DLGAP2: variants seen among roughly 807,000 people sequenced by gnomAD.
DLGAP2 encodes the protein disks large-associated protein 2.
Under a neutral mutation model 100.3 loss-of-function variants are expected in DLGAP2, and 26 were observed. That is an observed-to-expected ratio of 0.26 (90% CI 0.19 to 0.36). DLGAP2 has a LOEUF of 0.36. Among genes scored for constraint, DLGAP2 ranks in the 10% least tolerant of loss-of-function variants. DLGAP2 has a pLI of 1.00. For synonymous variants in DLGAP2, 886 were observed against 630.1 expected, an observed-to-expected ratio of 1.41 and a Z score of -6.08; for missense variants, 1,858 against 1,453.2, an observed-to-expected ratio of 1.28 and a Z score of -4.53.
At chr8:1,659,094 A>G (rs896203515) in intron 8 of DLGAP2, among the ~76,000 whole-genome samples, 88 of 152,178 alleles carry the variant, frequency 5.8e-4, no homozygotes, top group Middle Eastern at 3.4e-3. Flanking sequence ...TAATTTCGTT[A>G]TTTACCCAGT....
At chr8:1,550,762 T>TA (rs1391874476) in intron 5 of DLGAP2, among the ~76,000 whole-genome samples, 1 of 152,236 alleles carries the variant, frequency 6.6e-6, no homozygotes. Flanking sequence ...GTGCCATGCC[T>TA]GAGTTTACTG....
intron 2 of DLGAP2, among the ~76,000 whole-genome samples, chr8:1,161,279 G>A (rs1461758034): frequency 5.3e-5 from 8 of 152,124 alleles, no homozygotes; most frequent in Admixed American, 5.2e-4. Flanking sequence ...ACCAGCCCAG[G>A]GCCTGGTGTG....
At chr8:804,327 T>G (rs1010067874) in intron 1 of DLGAP2, among the ~76,000 whole-genome samples, 1 of 152,228 alleles carries the variant, frequency 6.6e-6, no homozygotes, top group Admixed American at 6.5e-5. Context: ...GAGACTCTTA[T>G]GTAAGTTCAA....
At chr8:1,083,656 G>A (rs1380860335) in intron 2 of DLGAP2, among the ~76,000 whole-genome samples, 2 of 152,178 alleles carry the variant, frequency 1.3e-5, no homozygotes, top group East Asian at 3.8e-4. Flanking sequence ...CTGAGCTGGG[G>A]CAATTAGGTG....
At chr8:1,304,710 G>A (rs1289170382) in intron 3 of DLGAP2, among the ~76,000 whole-genome samples, 3 of 152,162 alleles carry the variant, frequency 2.0e-5, no homozygotes, top group Non-Finnish European at 4.4e-5. Context: ...GAAGATGATC[G>A]ACAAAAGCAA....
At chr8:1,108,576 G>A (rs1013233181) in intron 2 of DLGAP2, among the ~76,000 whole-genome samples, 2 of 148,962 alleles carry the variant, frequency 1.3e-5, no homozygotes, top group African/African-American at 5.0e-5. Flanking sequence ...TCTGTGAGGT[G>A]TGCACGGGTC....
chr8:1,205,180 G>C (rs1385441282), intron 2 of DLGAP2, among the ~76,000 whole-genome samples: 1 of 152,186 alleles, frequency 6.6e-6, no homozygotes. Flanking sequence ...TCTCCTAAGA[G>C]AAAACCAGTT....
intron 1 of DLGAP2, among the ~76,000 whole-genome samples, chr8:796,076 G>A (rs75973514): frequency 7.3e-5 from 11 of 150,586 alleles, no homozygotes; most frequent in African/African-American, 1.7e-4. Context: ...GAGAGCAGGC[G>A]TCCAGTGAGA....
At chr8:1,618,869 G>A (rs1422798343) in intron 6 of DLGAP2, among the ~76,000 whole-genome samples, 1 of 152,132 alleles carries the variant, frequency 6.6e-6, no homozygotes, top group African/African-American at 2.4e-5. Context: ...CACCTGTCCA[G>A]TAGACACGAG....
At chr8:1,468,285 G>T in intron 3 of DLGAP2, among the ~76,000 whole-genome samples, 1 of 151,858 alleles carries the variant, frequency 6.6e-6, no homozygotes, top group South Asian at 2.1e-4. Flanking sequence ...GGCTGGTCCT[G>T]AGTCCCCAGC....
chr8:1,311,850 A>G (rs147009454), intron 3 of DLGAP2, among the ~76,000 whole-genome samples: 2,700 of 152,356 alleles, frequency 0.018, 29 homozygotes, highest in South Asian at 0.031. Context: ...AAGAAGACAC[A>G]GCAATCCTTA....
chr8:1,495,741 C>G (rs1799525905), intron 3 of DLGAP2, among the ~76,000 whole-genome samples: 1 of 152,216 alleles, frequency 6.6e-6, no homozygotes, highest in Admixed American at 6.5e-5. Flanking sequence ...CGAGTGGTGG[C>G]CGTGCTGGGT....
At chr8:1,074,557 G>T (rs1008160715) in intron 2 of DLGAP2, among the ~76,000 whole-genome samples, 1 of 152,172 alleles carries the variant, frequency 6.6e-6, no homozygotes, top group South Asian at 2.1e-4. Flanking sequence ...CTGGCTCAGG[G>T]GCTTCTCCAC....
chr8:1,072,946 G>C (rs1803480611), intron 2 of DLGAP2, among the ~76,000 whole-genome samples: 1 of 152,180 alleles, frequency 6.6e-6, no homozygotes. Flanking sequence ...AATTTAATTA[G>C]GGAGTTCCTA....
chr8:760,362 C>T (rs139785199), intron 1 of DLGAP2, among the ~76,000 whole-genome samples: 1 of 152,304 alleles, frequency 6.6e-6, no homozygotes, highest in East Asian at 1.9e-4. Context: ...TTTCATCTCT[C>T]TCCTGGTTAG....
intron 2 of DLGAP2, among the ~76,000 whole-genome samples, chr8:1,182,527 C>G (rs1797412258): frequency 6.6e-6 from 1 of 152,212 alleles, no homozygotes; most frequent in Non-Finnish European, 1.5e-5. Context: ...AATGCTCACA[C>G]GTGTGATGTC....
chr8:862,605 T>C (rs747218917), intron 1 of DLGAP2, among the ~76,000 whole-genome samples: 6 of 152,210 alleles, frequency 3.9e-5, no homozygotes, highest in Non-Finnish European at 7.3e-5. Flanking sequence ...ACTCCAGTTT[T>C]ATTCCTGGAA....
intron 3 of DLGAP2, among the ~76,000 whole-genome samples, chr8:1,463,838 G>T (rs1050811913): frequency 3.9e-5 from 6 of 152,210 alleles, no homozygotes; most frequent in Non-Finnish European, 7.3e-5. Context: ...GGTGTGGTTT[G>T]AGCTGATTCA....
Position 1,548,676 on chromosome 8 carries a change from T to G in DLGAP2, c.223T>G (p.Ser75Ala). 1 of 1,599,222 alleles carries G rather than the reference T, an allele frequency of 6.3e-7. No homozygotes were observed. Among genetic ancestry groups the G allele is most frequent in the Non-Finnish European group, 8.5e-7 (1 of 1,174,486 alleles). The change falls in exon 5 of 15, where the codon TCG (serine) becomes GCG (alanine). Residue 75 changes from serine (S) to alanine (A), a missense_variant. Transcript: ENST00000637795. ...GCAGCACTTCAATGAGGAGCGCTAC[T>G]CGCCCGCGCCCAGGAGCATGAAGGG... ...PTQHFNEERY[S>A]PAPRSMKGLS...
Sources: gnomAD v4.1 joint callset for allele counts (sites outside exome capture counted in the v4.1 genomes callset) on GRCh38, gnomAD v4.1.1 for gene constraint, MANE v1.5 for transcripts, NCBI Gene and HGNC (gene_info 2026-07-23, HGNC 2026-07-21) for gene names.